Variants in ATP1A1 observed in about 807,000 individuals in gnomAD.
ATP1A1 encodes sodium/potassium-transporting ATPase subunit alpha-1.
Under a neutral mutation model 114.8 loss-of-function variants are expected in ATP1A1, and 14 were observed. The observed-to-expected ratio is 0.12, with a 90% CI of 0.08 to 0.19. The LOEUF is 0.19. ATP1A1 is among the 10% of genes least tolerant of loss of function. The pLI is 1.00. For missense variants in ATP1A1, 524 were observed against 1,290.7 expected, an observed-to-expected ratio of 0.41 and a Z score of 9.10; for synonymous variants, 471 against 466.3, an observed-to-expected ratio of 1.01 and a Z score of -0.13.
Position 116,391,238 on chromosome 1 carries a change from G to A in ATP1A1, c.1332+347G>A, listed in dbSNP as rs138093322. 4.2e-3 allele frequency among the ~76,000 whole-genome samples: 644 copies of A among 152,314 alleles called. 1 individual carries two copies. The highest frequency in any genetic ancestry group is 7.8e-3 in the Admixed American group (120 of 15,302). ...TTATATGTTATCACCTAACCTAGTG[G>A]ACAGTGAGAGCTGAGGGCTGCAGTG... On this transcript the variant is annotated intron_variant, in intron 10 of 22. Transcript: ENST00000295598.
At position 116,388,329 on chromosome 1, in the gene ATP1A1, T is replaced by C. The variant is rs1652230957; in HGVS notation, c.501+85T>C. The C allele has an allele frequency of 1.6e-6, 2 of 1,217,110 alleles. No individual in the cohort carries two copies. The highest frequency in any genetic ancestry group is 2.4e-6 in the Non-Finnish European group (2 of 835,970). The allele number at this position is 1,217,110 out of a possible 1,614,324, so 75.4% of individuals were successfully genotyped here. ...GTGAATTAGTGTGAAGTTAAGGTTT[T>C]CCAAGTATTACATGACTCATCAGAG... On this transcript the variant is annotated intron_variant, in intron 5 of 22. Coordinates refer to ENST00000295598, the MANE Select transcript of ATP1A1 (RefSeq NM_000701.8). This position sits in a 1 kb window ranked among gnomAD's most constrained non-coding sequence, Gnocchi z 5.6.
chr1:116,401,201 G>A lies in ATP1A1; in HGVS notation c.2790G>A (p.Gln930=). The change falls in exon 20 of 23, where the codon CAG becomes CAA. Residue 930 remains glutamine, a synonymous_variant. Coordinates refer to ENST00000295598, the MANE Select transcript of ATP1A1 (RefSeq NM_000701.8). The surrounding 1 kb of genome is among the most constrained non-coding windows in gnomAD (Gnocchi z 4.7). ...TCTTCGTCAGTATCGTGGTGGTGCA[G>A]TGGGCCGACTTGGTCATCTGTAAGA... is the stretch of plus-strand genomic sequence containing the variant. ...TAFFVSIVVV[Q]WADLVICKTR... The A allele has an allele frequency of 1.9e-6, 3 of 1,614,250 alleles. No homozygotes were observed. The highest frequency in any genetic ancestry group is 1.6e-4 in the Middle Eastern group (1 of 6,062).
Position 116,404,635 on chromosome 1 carries a change from A to G in ATP1A1, c.*191A>G. The G allele has an allele frequency of 9.9e-6, 13 of 1,313,358 alleles. No individual in the cohort carries two copies. Among genetic ancestry groups the G allele is most frequent in the Non-Finnish European group, 1.3e-5 (13 of 1,035,408 alleles). The allele number at this position is 1,313,358 out of a possible 1,614,324, so 81.4% of individuals were successfully genotyped here. On this transcript the variant is annotated 3_prime_UTR_variant, in exon 23 of 23. Coordinates refer to ENST00000295598, the MANE Select transcript of ATP1A1 (RefSeq NM_000701.8). The surrounding 1 kb of genome is among the most constrained non-coding windows in gnomAD (Gnocchi z 4.8). ...GGGGGAGGGGGGAGGGCTGCCTGAA[A>G]ACCATCCATCTGTGGAAATGACAGC...
intron 1 of ATP1A1, chr1:116,383,399 G>C (rs543939645): frequency 2.1e-6 from 2 of 974,068 alleles, no homozygotes; most frequent in East Asian, 2.2e-4. Context: ...GCAAAGCAAA[G>C]AATATAAACA....
chr1:116,400,406 G>T (rs959690784), intron 18 of ATP1A1, among the ~76,000 whole-genome samples: 24 of 152,174 alleles, frequency 1.6e-4, no homozygotes, highest in Non-Finnish European at 3.4e-4. Flanking sequence ...ATGCCAGGGG[G>T]AGGAGGGTCC....
intron 1 of ATP1A1, chr1:116,373,763 T>C (rs922363554): frequency 1.6e-6 from 1 of 615,424 alleles, no homozygotes; most frequent in Non-Finnish European, 1.8e-6. Flanking sequence ...CTTAGGGGGG[T>C]GGGCGGACCC....
At chr1:116,379,509 A>G (rs1557779305) in intron 1 of ATP1A1, among the ~76,000 whole-genome samples, 1 of 152,140 alleles carries the variant, frequency 6.6e-6, no homozygotes, top group Non-Finnish European at 1.5e-5. Flanking sequence ...TTCCTTGCAC[A>G]TAAACTAAAC....
intron 1 of ATP1A1, chr1:116,383,306 T>G: frequency 9.4e-7 from 1 of 1,066,562 alleles, no homozygotes; most frequent in Non-Finnish European, 1.2e-6. Flanking sequence ...TTAGGCTGAC[T>G]TTTTAATATG....
intron 9 of ATP1A1, 125 bp downstream of exon 9, chr1:116,390,536 GTTTT>G: frequency 1.4e-6 from 1 of 693,378 alleles, no homozygotes; most frequent in Non-Finnish European, 2.1e-6. Flanking sequence ...TTTCTTTTTT[GTTTT>G]TTTTTTTTTT....
chr1:116,374,373 A>C, intron 1 of ATP1A1: 4 of 1,353,068 alleles, frequency 3.0e-6, no homozygotes, highest in Non-Finnish European at 4.1e-6. Context: ...GAAGGAGGAT[A>C]GGCAGACCCA....
Position 116,387,586 on chromosome 1 carries a change from T to A in ATP1A1, c.387+95T>A. 1 of 1,331,658 alleles carries A rather than the reference T, an allele frequency of 7.5e-7. No homozygotes were observed. Among genetic ancestry groups the A allele is most frequent in the Non-Finnish European group, 1.0e-6 (1 of 953,210 alleles). 82.5% of individuals were successfully genotyped at this position (1,331,658 alleles called of 1,614,324 possible). On this transcript the variant is annotated intron_variant, in intron 4 of 22. Coordinates refer to ENST00000295598, the MANE Select transcript of ATP1A1 (RefSeq NM_000701.8). The surrounding 1 kb of genome is among the most constrained non-coding windows in gnomAD (Gnocchi z 6.7). ...TTCTTCTCAATTACCACTCATTACT[T>A]AATGGTTATGAACTCATTACTTAAT...
Position 116,398,111 on chromosome 1 carries a change from G to A in ATP1A1, c.2124+73G>A, listed in dbSNP as rs1653090767. ...GGATTGGAGTTCCAGTGGAAACAGA[G>A]CAACGGTGATGGATGGATGCATACC... On this transcript the variant is annotated intron_variant, in intron 15 of 22. Transcript: ENST00000295598. The surrounding 1 kb of genome is among the most constrained non-coding windows in gnomAD (Gnocchi z 6.1). 2.5e-6 allele frequency: 4 copies of A among 1,573,716 alleles called. No individual in the cohort carries two copies. Among genetic ancestry groups the A allele is most frequent in the Non-Finnish European group, 1.7e-6 (2 of 1,155,520 alleles).
At position 116,385,974 on chromosome 1, in the gene ATP1A1, A is replaced by C. The variant is rs983371694; in HGVS notation, c.183+1132A>C. The C allele has an allele frequency of 6.6e-6, 1 of 152,058 alleles. No individual in the cohort carries two copies. The highest frequency in any genetic ancestry group is 2.4e-5 in the African/African-American group (1 of 41,318). The allele number at this position is 152,058 out of a possible 1,614,324, so 9.4% of individuals were successfully genotyped here. On this transcript the variant is annotated intron_variant, in intron 3 of 22. Transcript: ENST00000295598. The surrounding 1 kb of genome is among the most constrained non-coding windows in gnomAD (Gnocchi z 4.3). ...AAACCCCGTCTCTACTAAAAATACA[A>C]AATTAGCCTGGCATGGTGGTGCATG...
intron 1 of ATP1A1, among the ~76,000 whole-genome samples, chr1:116,382,799 A>G (rs1380265600): frequency 1.3e-5 from 2 of 152,232 alleles, no homozygotes; most frequent in Non-Finnish European, 2.9e-5. Flanking sequence ...CGAGTTCCTA[A>G]TTATTGCTTT....
At chr1:116,392,595 C>T in intron 10 of ATP1A1, 2 of 364,476 alleles carry the variant, frequency 5.5e-6, no homozygotes, top group Non-Finnish European at 9.9e-6. Context: ...GGGAAGGTGA[C>T]ACCTTCCCAC....
rs1651945521 is a variant in ATP1A1, at chr1:116,384,461, A to G, written c.124-322A>G. ...AAGCTTCCATAGACTTAACCTGTCT[A>G]GAATCGACCTGGTCATCAGAGAAGG... On this transcript the variant is annotated intron_variant, in intron 2 of 22. Transcript: ENST00000295598. The surrounding 1 kb of genome is among the most constrained non-coding windows in gnomAD (Gnocchi z 5.1). 6.6e-6 allele frequency among the ~76,000 whole-genome samples: 1 copy of G among 152,210 alleles called. No individual in the cohort carries two copies. Among genetic ancestry groups the G allele is most frequent in the African/African-American group, 2.4e-5 (1 of 41,446 alleles).
rs760685958 is a variant in ATP1A1 at position 116,398,669 on chromosome 1, T to C, written c.2173T>C (p.Leu725=). 1 of 1,614,216 alleles carries C rather than the reference T, an allele frequency of 6.2e-7. No individual in the cohort carries two copies. The highest frequency in any genetic ancestry group is 2.2e-5 in the East Asian group (1 of 44,880). ...TGDGVNDSPA[L]KKADIGVAMG... ...TGACGGTGTGAATGACTCTCCAGCT[T>C]TGAAGAAAGCAGACATTGGGGTTGC... The change falls in exon 16 of 23, where the codon TTG becomes CTG. Residue 725 remains leucine, a synonymous_variant. Coordinates refer to ENST00000295598, the MANE Select transcript of ATP1A1 (RefSeq NM_000701.8). This position sits in a 1 kb window ranked among gnomAD's most constrained non-coding sequence, Gnocchi z 6.1.
Position 116,389,769 on chromosome 1 carries a change from G to T in ATP1A1, c.1023+62G>T. On this transcript the variant is annotated intron_variant, in intron 8 of 22. Coordinates refer to ENST00000295598, the MANE Select transcript of ATP1A1 (RefSeq NM_000701.8). The surrounding 1 kb of genome is among the most constrained non-coding windows in gnomAD (Gnocchi z 6.9). ...GCTTGCACGAATGTTACACTCTTCCGCTATCCTATTCTAAGGTATTGCCAA... is the reference window on the plus strand; with the variant it reads ...GCTTGCACGAATGTTACACTCTTCCTCTATCCTATTCTAAGGTATTGCCAA... The T allele has an allele frequency of 3.1e-6, 5 of 1,597,064 alleles. No homozygotes were observed. In the South Asian group the frequency reaches 4.5e-5, roughly 14 times the overall value.
In ATP1A1 at chr1:116,399,720, C is replaced by T. The variant is rs1394242221; in HGVS notation, c.2572+177C>T. ...CTGAACTCTCTTCCATGTGAGAATA[C>T]ATCTGTTGCTGTTTGCCCAGTTACC... On this transcript the variant is annotated intron_variant, in intron 18 of 22. Coordinates refer to ENST00000295598, the MANE Select transcript of ATP1A1 (RefSeq NM_000701.8). This position sits in a 1 kb window ranked among gnomAD's most constrained non-coding sequence, Gnocchi z 5.0. 6.6e-6 allele frequency among the ~76,000 whole-genome samples: 1 copy of T among 152,192 alleles called. No homozygotes were observed. Among genetic ancestry groups the T allele is most frequent in the Non-Finnish European group, 1.5e-5 (1 of 68,028 alleles).
Sources: allele counts gnomAD v4.1 joint callset (sites outside exome capture counted in the v4.1 genomes callset), GRCh38; gene constraint gnomAD v4.1.1; non-coding constraint Gnocchi (gnomAD v3.1); transcripts MANE v1.5; gene names NCBI Gene and HGNC (gene_info 2026-07-23, HGNC 2026-07-21).